Variants in CDH2 observed in about 807,000 individuals in gnomAD.
The protein encoded by CDH2 is cadherin-2.
A neutral mutation model predicts 92.0 loss-of-function variants in CDH2; 17 were observed. The observed-to-expected ratio is 0.18, with a 90% confidence interval of 0.13 to 0.28. CDH2 has a LOEUF of 0.28. Among genes scored for constraint, CDH2 ranks in the 10% least tolerant of loss-of-function variants. CDH2 has a pLI of 1.00. For synonymous variants in CDH2, 419 were observed against 415.9 expected (o/e 1.01, Z -0.09); for missense variants, 862 against 1,133.1 (o/e 0.76, Z 3.44).
At chr18:28,011,632 G>C (rs1173982038) in intron 4 of CDH2, among the ~76,000 whole-genome samples, 2 of 152,078 alleles carry the variant, frequency 1.3e-5, no homozygotes, top group Non-Finnish European at 2.9e-5. Context: ...CAGTGTGCAG[G>C]ACCTACAAGT....
chr18:27,967,754 T>G (rs1402845994), intron 14 of CDH2, among the ~76,000 whole-genome samples: 1 of 152,118 alleles, frequency 6.6e-6, no homozygotes, highest in Non-Finnish European at 1.5e-5. Context: ...TTTTTTTTGG[T>G]CTATGATTTA....
chr18:27,977,312 ATC>A (rs1355524793), intron 14 of CDH2, among the ~76,000 whole-genome samples: 1 of 152,006 alleles, frequency 6.6e-6, no homozygotes, highest in Non-Finnish European at 1.5e-5. Flanking sequence ...ACTCTAATAA[ATC>A]TCTGTTATAC....
chr18:28,172,522 A>G (rs1364705360), intron 1 of CDH2, among the ~76,000 whole-genome samples: 3 of 152,166 alleles, frequency 2.0e-5, no homozygotes, highest in Non-Finnish European at 2.9e-5. Context: ...ATTTTAGTAG[A>G]AAAAAACAGA....
chr18:27,950,113 G>C (rs185552100), downstream of CDH2, among the ~76,000 whole-genome samples: 4 of 152,176 alleles, frequency 2.6e-5, no homozygotes, highest in Admixed American at 1.3e-4. Flanking sequence ...CCAGAGGCAA[G>C]CTCTGGCATT....
At chr18:28,113,883 A>T (rs892808816) in intron 2 of CDH2, among the ~76,000 whole-genome samples, 1 of 152,176 alleles carries the variant, frequency 6.6e-6, no homozygotes, top group African/African-American at 2.4e-5. Context: ...CACAATGAAA[A>T]TATGCATTTT....
chr18:27,955,814 A>T (rs1282510779), intron 15 of CDH2, among the ~76,000 whole-genome samples: 5 of 144,268 alleles, frequency 3.5e-5, no homozygotes, highest in Non-Finnish European at 7.5e-5. Flanking sequence ...CATTAGAGAG[A>T]GACCACTGTG....
intron 1 of CDH2, among the ~76,000 whole-genome samples, chr18:28,149,835 G>A (rs1312725394): frequency 1.3e-5 from 2 of 152,128 alleles, no homozygotes; most frequent in Non-Finnish European, 2.9e-5. Flanking sequence ...AGACACACAG[G>A]TACAAATTAC....
At chr18:28,043,674 C>G (rs77253337) in intron 2 of CDH2, among the ~76,000 whole-genome samples, 1 of 150,490 alleles carries the variant, frequency 6.6e-6, no homozygotes, top group Admixed American at 6.6e-5. Flanking sequence ...CCCACCAGCA[C>G]TATTCTTATT....
chr18:28,041,402 C>T (rs17446008), intron 2 of CDH2, among the ~76,000 whole-genome samples: 2 of 152,186 alleles, frequency 1.3e-5, no homozygotes, highest in South Asian at 2.1e-4. Flanking sequence ...TAATCACATA[C>T]GGCATTTTAT....
At chr18:27,974,863 C>T (rs1391096714) in intron 14 of CDH2, among the ~76,000 whole-genome samples, 6 of 152,052 alleles carry the variant, frequency 3.9e-5, no homozygotes, top group South Asian at 2.1e-4. Context: ...CTTGGACTTC[C>T]CAGGATCTAG....
chr18:27,989,980 T>C (rs1158503960), intron 10 of CDH2, 117 bp downstream of exon 10: 1 of 831,462 alleles, frequency 1.2e-6, no homozygotes, highest in Non-Finnish European at 1.9e-6. Flanking sequence ...AAATTATCTT[T>C]TAATAAGTAG....
chr18:27,957,961 G>C (rs2011293304), intron 15 of CDH2, among the ~76,000 whole-genome samples: 1 of 152,064 alleles, frequency 6.6e-6, no homozygotes, highest in South Asian at 2.1e-4. Context: ...CTCCTAAAAG[G>C]TAATTTACCT....
At position 27,967,413 on chromosome 18, in the gene CDH2, G is replaced by A. The variant is rs554482574; in HGVS notation, c.2350-3892C>T. On this transcript the variant is annotated intron_variant, in intron 14 of 15. Coordinates refer to ENST00000269141, the MANE Select transcript of CDH2 (RefSeq NM_001792.5). ...TACATAAACACACAAATGACAACAT[G>A]TAGGATGAGAATTATAAAGAGAATT... 5.3e-5 allele frequency among the ~76,000 whole-genome samples: 8 copies of A among 152,238 alleles called. No individual in the cohort carries two copies. In the South Asian group the frequency reaches 1.2e-3, roughly 24 times the overall value.
At chr18:27,974,749 G>A (rs1176000968) in intron 14 of CDH2, among the ~76,000 whole-genome samples, 1 of 152,140 alleles carries the variant, frequency 6.6e-6, no homozygotes, top group East Asian at 1.9e-4. Context: ...AATACCAAGG[G>A]AGGTTGTTTG....
intron 2 of CDH2, among the ~76,000 whole-genome samples, chr18:28,014,596 A>G (rs1391172733): frequency 6.6e-6 from 1 of 152,184 alleles, no homozygotes; most frequent in Non-Finnish European, 1.5e-5. Flanking sequence ...AAGCAGTAAC[A>G]TATTTAAAAA....
At position 27,951,274 on chromosome 18, in the gene CDH2, A is replaced by G. The variant is rs200241559; in HGVS notation, c.*879T>C. The stretch of plus-strand genomic sequence containing the variant: ...AAAAAATTAAAAAAATTAAAAATTG[A>G]GTATTCTAACTACAGCTCAACAATT... On this transcript the variant is annotated 3_prime_UTR_variant, in exon 16 of 16. Transcript: ENST00000269141. 5.9e-5 allele frequency: 9 copies of G among 152,198 alleles called. No individual in the cohort carries two copies. The highest frequency in any genetic ancestry group is 2.2e-4 in the African/African-American group (9 of 41,380). The allele number at this position is 152,198 out of a possible 1,614,324, so 9.4% of individuals were successfully genotyped here.
chr18:27,944,521 C>G (rs1909220057), intron 6 of CDH2, among the ~76,000 whole-genome samples: 1 of 152,054 alleles, frequency 6.6e-6, no homozygotes, highest in South Asian at 2.1e-4. Context: ...CAGAATACCT[C>G]AAAGGATGTC....
Position 28,122,640 on chromosome 18 carries a change from A to G in CDH2, c.172+25033T>C, listed in dbSNP as rs368430647. Reference sequence around the variant, plus strand: ...CATACAAAATATGGTTAACGGAAAAACAAGTTAGCACGAAGATTTCTAATT... The same window carrying G: ...CATACAAAATATGGTTAACGGAAAAGCAAGTTAGCACGAAGATTTCTAATT... On this transcript the variant is annotated intron_variant, in intron 2 of 15. Transcript: ENST00000269141. Among the ~76,000 whole-genome samples the G allele has an allele frequency of 4.6e-5, 7 of 152,224 alleles. No homozygotes were observed. The South Asian group carries it at 8.3e-4, about 18-fold the overall frequency.
chr18:27,940,067 G>A (rs1280603526), intron 6 of CDH2, among the ~76,000 whole-genome samples: 1 of 152,108 alleles, frequency 6.6e-6, no homozygotes, highest in Non-Finnish European at 1.5e-5. Context: ...GACACTTCAT[G>A]GCAGCCCAAC....
Sources: allele counts gnomAD v4.1 joint callset (sites outside exome capture counted in the v4.1 genomes callset), GRCh38; gene constraint gnomAD v4.1.1; transcripts MANE v1.5; gene names NCBI Gene and HGNC (gene_info 2026-07-23, HGNC 2026-07-21).